Variants in SLC25A26 observed in about 807,000 individuals in gnomAD.
The protein encoded by SLC25A26 is mitochondrial S-adenosylmethionine carrier protein.
SLC25A26 carries 36 observed loss-of-function variants against 37.8 expected under a neutral mutation model. The ratio of observed to expected loss-of-function variants is 0.95; its 90% CI spans 0.73 to 1.26. The LOEUF is 1.26. SLC25A26 is among the 50% of genes most tolerant of loss of function. SLC25A26 has a pLI of 0.00. For synonymous variants in SLC25A26, 129 were observed against 122.5 expected (o/e 1.05, Z -0.35); for missense variants, 390 against 331.1 (o/e 1.18, Z -1.38).
At chr3:66,198,471 C>G (rs2071073021) in intron 1 of SLC25A26, among the ~76,000 whole-genome samples, 1 of 151,992 alleles carries the variant, frequency 6.6e-6, no homozygotes, top group Non-Finnish European at 1.5e-5. Flanking sequence ...TTGCCTTGAC[C>G]TAGAATTTTG....
intron 1 of SLC25A26, among the ~76,000 whole-genome samples, chr3:66,235,280 C>T (rs989807423): frequency 1.3e-5 from 2 of 152,072 alleles, no homozygotes; most frequent in Non-Finnish European, 2.9e-5. Context: ...TAAAAATATT[C>T]TACATATTTG....
At chr3:66,344,462 CAA>C (rs879443868) in intron 5 of SLC25A26, among the ~76,000 whole-genome samples, 4 of 135,186 alleles carry the variant, frequency 3.0e-5, no homozygotes, top group Non-Finnish European at 1.6e-5. Flanking sequence ...GACTCTGTCT[CAA>C]AAAAAAAAAA....
chr3:66,354,643 A>G (rs888041142), intron 6 of SLC25A26, among the ~76,000 whole-genome samples: 1 of 152,208 alleles, frequency 6.6e-6, no homozygotes, highest in Non-Finnish European at 1.5e-5. Context: ...TACTTTTAGT[A>G]ATATAAACAA....
chr3:66,184,861 C>T (rs2070796072), intron 1 of SLC25A26, among the ~76,000 whole-genome samples: 1 of 152,156 alleles, frequency 6.6e-6, no homozygotes, highest in Admixed American at 6.5e-5. Context: ...AACTTTGACC[C>T]TGATCCTGAC....
intron 3 of SLC25A26, among the ~76,000 whole-genome samples, chr3:66,245,333 A>G (rs890690841): frequency 6.6e-6 from 1 of 151,566 alleles, no homozygotes; most frequent in African/African-American, 2.4e-5. Context: ...CATTCCCCTC[A>G]TTAACTTATC....
chr3:66,347,327 A>G (rs963938173), intron 6 of SLC25A26, among the ~76,000 whole-genome samples: 14 of 152,348 alleles, frequency 9.2e-5, no homozygotes, highest in Admixed American at 9.1e-4. Context: ...ATGAACAGAC[A>G]CTTCTCAAGA....
intron 1 of SLC25A26, among the ~76,000 whole-genome samples, chr3:66,215,389 C>A (rs2071345462): frequency 6.6e-6 from 1 of 152,166 alleles, no homozygotes; most frequent in African/African-American, 2.4e-5. Context: ...TTTGTAGAAA[C>A]AAGGTCTCCC....
intron 6 of SLC25A26, among the ~76,000 whole-genome samples, chr3:66,359,126 A>G (rs1423075375): frequency 1.3e-5 from 2 of 152,202 alleles, no homozygotes; most frequent in Non-Finnish European, 2.9e-5. Flanking sequence ...AGTTAGACTT[A>G]TCTGTGGAGA....
At chr3:66,355,778 T>C (rs2076560287) in intron 6 of SLC25A26, among the ~76,000 whole-genome samples, 1 of 152,218 alleles carries the variant, frequency 6.6e-6, no homozygotes, top group South Asian at 2.1e-4. Flanking sequence ...ATGGAAAGTA[T>C]GTGCACGAAA....
intron 1 of SLC25A26, among the ~76,000 whole-genome samples, chr3:66,195,003 T>G (rs1317085105): frequency 1.3e-5 from 2 of 151,912 alleles, no homozygotes; most frequent in East Asian, 3.9e-4. Context: ...GGGAGGGAGG[T>G]GAAACAGAGC....
At chr3:66,261,943 A>G (rs2073545108) in intron 3 of SLC25A26, 108 bp from the exon 4 acceptor site, 3 of 653,232 alleles carry the variant, frequency 4.6e-6, no homozygotes, top group Admixed American at 3.0e-5. Context: ...GACATCTTGC[A>G]GTAAGCCTAC....
intron 1 of SLC25A26, among the ~76,000 whole-genome samples, chr3:66,165,912 C>T (rs1054037726): frequency 2.0e-5 from 3 of 149,336 alleles, no homozygotes; most frequent in Non-Finnish European, 3.0e-5. Context: ...TAATTCCCTA[C>T]CCCCACCACC....
chr3:66,204,830 T>A, intron 1 of SLC25A26, among the ~76,000 whole-genome samples: 2 of 152,364 alleles, frequency 1.3e-5, no homozygotes, highest in Middle Eastern at 6.8e-3. Flanking sequence ...GCCTGTAACA[T>A]GTTTGCCATG....
chr3:66,320,946 C>G (rs569129266), intron 5 of SLC25A26, among the ~76,000 whole-genome samples: 10 of 152,102 alleles, frequency 6.6e-5, no homozygotes, highest in Non-Finnish European at 1.2e-4. Context: ...TTGTGTTCCC[C>G]CAAAATTCTT....
rs140326753 is a variant in SLC25A26, at chr3:66,177,459, C to A, written c.-353-43283C>A. ...CGGAAAGTTTTCATCAGCAACAACCCACAACACTTCCTAGTTTCTCCCACT... is the reference window on the plus strand; with the variant it reads ...CGGAAAGTTTTCATCAGCAACAACCAACAACACTTCCTAGTTTCTCCCACT... On this transcript the variant is annotated intron_variant, in intron 1 of 10. Transcript: ENST00000676754. Among the ~76,000 whole-genome samples the A allele has an allele frequency of 4.7e-3, 711 of 152,326 alleles. 7 individuals are homozygous for A. The highest frequency in any genetic ancestry group is 0.016 in the African/African-American group (675 of 41,570).
chr3:66,289,242 G>T (rs891349402), intron 5 of SLC25A26, among the ~76,000 whole-genome samples: 4 of 152,156 alleles, frequency 2.6e-5, no homozygotes, highest in Admixed American at 6.5e-5. Flanking sequence ...CAGAGGGATA[G>T]ATTACAAAAA....
At chr3:66,235,204 T>G (rs185219614) in intron 1 of SLC25A26, among the ~76,000 whole-genome samples, 21 of 152,344 alleles carry the variant, frequency 1.4e-4, no homozygotes, top group African/African-American at 5.1e-4. Context: ...TATTAGCCTT[T>G]CTTTGATGCT....
intron 5 of SLC25A26, among the ~76,000 whole-genome samples, chr3:66,318,670 GT>G (rs142857296): frequency 0.15 from 21,881 of 150,816 alleles, 1,922 homozygotes; most frequent in Non-Finnish European, 0.2. Flanking sequence ...ATTTTTTTTT[GT>G]TTTTTTTGAG....
chr3:66,337,961 A>G (rs2107704710), intron 5 of SLC25A26, among the ~76,000 whole-genome samples: 1 of 152,142 alleles, frequency 6.6e-6, no homozygotes. Context: ...ACTTTTGACA[A>G]ATGTATAGTC....
Sources: allele counts gnomAD v4.1 joint callset (sites outside exome capture counted in the v4.1 genomes callset), GRCh38; gene constraint gnomAD v4.1.1; transcripts MANE v1.5; gene names NCBI Gene and HGNC (gene_info 2026-07-23, HGNC 2026-07-21).